Variants in C8orf90 observed in about 807,000 individuals in gnomAD.
C8orf90 encodes uncharacterized protein C8orf90.
At chr8:141,516,275 C>A in the C8orf90 span, among the ~76,000 whole-genome samples, 1 of 152,218 alleles carries the variant, frequency 6.6e-6, no homozygotes, top group Admixed American at 6.5e-5. Context: ...CGTCTCCTGC[C>A]CTACTTCTCT....
chr8:141,514,865 A>G, the C8orf90 span: 3 of 656,704 alleles, frequency 4.6e-6, no homozygotes, highest in Non-Finnish European at 8.3e-6. Flanking sequence ...CCCATCTTCC[A>G]GAAGAAGATG....
chr8:141,517,280 C>T, the C8orf90 span, among the ~76,000 whole-genome samples: 4 of 152,272 alleles, frequency 2.6e-5, no homozygotes, highest in African/African-American at 4.8e-5. Context: ...CATCCCCAGA[C>T]AGCTGCCTGG....
At chr8:141,516,519 C>T in the C8orf90 span, among the ~76,000 whole-genome samples, 7 of 152,268 alleles carry the variant, frequency 4.6e-5, no homozygotes, top group African/African-American at 1.7e-4. Context: ...TGCCACACTT[C>T]CCACGCTCCC....
chr8:141,518,394 G>T, the C8orf90 span: 1 of 673,518 alleles, frequency 1.5e-6, no homozygotes, highest in South Asian at 1.6e-5. Flanking sequence ...CCTGGCCGCC[G>T]GGGTCCGACC....
the C8orf90 span, chr8:141,518,245 C>G: frequency 1.6e-6 from 1 of 629,358 alleles, no homozygotes; most frequent in Non-Finnish European, 2.8e-6. Flanking sequence ...GCCCGCCTTC[C>G]CGGACATCTA....
At chr8:141,517,877 C>T in the C8orf90 span, among the ~76,000 whole-genome samples, 36 of 152,320 alleles carry the variant, frequency 2.4e-4, no homozygotes, top group African/African-American at 7.2e-4. Flanking sequence ...ATCCTAAGCT[C>T]GCTCAGTCCC....
the C8orf90 span, among the ~76,000 whole-genome samples, chr8:141,517,817 GCT>G: frequency 6.6e-6 from 1 of 152,170 alleles, no homozygotes; most frequent in Non-Finnish European, 1.5e-5. Flanking sequence ...GAGAGTGACT[GCT>G]TCACCTCCTG....
chr8:141,518,101 G>A, the C8orf90 span: 4 of 511,406 alleles, frequency 7.8e-6, no homozygotes, highest in Non-Finnish European at 1.4e-5. Flanking sequence ...TCATTCGGCG[G>A]CTCCTTCCAG....
chr8:141,514,784 GGGGAATGGACGGGAA>G, the C8orf90 span: 1 of 700,678 alleles, frequency 1.4e-6, no homozygotes, highest in Non-Finnish European at 2.6e-6. Context: ...TGGTGAGGGA[GGGGAATGGACGGGAA>G]GGGGGACGGG....
the C8orf90 span, chr8:141,518,380 T>C: frequency 2.4e-5 from 16 of 675,256 alleles, 1 homozygote; most frequent in South Asian, 2.5e-4. Context: ...GCCCTTCCCG[T>C]TCGCCTGGCC....
At chr8:141,517,619 T>G in the C8orf90 span, among the ~76,000 whole-genome samples, 5 of 152,308 alleles carry the variant, frequency 3.3e-5, no homozygotes, top group African/African-American at 1.2e-4. Flanking sequence ...GTGTCCAGGC[T>G]GCGAGCCAGG....
At chr8:141,515,590 G>A in the C8orf90 span, among the ~76,000 whole-genome samples, 1 of 151,772 alleles carries the variant, frequency 6.6e-6, no homozygotes, top group Non-Finnish European at 1.5e-5. Flanking sequence ...GGGGATTCTT[G>A]CCCCAGCTCC....
the C8orf90 span, chr8:141,518,318 T>C: frequency 1.5e-6 from 1 of 668,676 alleles, no homozygotes. Flanking sequence ...TACCGCGCGC[T>C]GGGCAAGCAG....
At chr8:141,517,084 G>A in the C8orf90 span, among the ~76,000 whole-genome samples, 1 of 152,230 alleles carries the variant, frequency 6.6e-6, no homozygotes, top group Non-Finnish European at 1.5e-5. Context: ...CGGGGGCGTG[G>A]CATAGTGGAA....
At chr8:141,518,578 G>A in the C8orf90 span, 3 of 422,570 alleles carry the variant, frequency 7.1e-6, no homozygotes, top group East Asian at 7.8e-5. Flanking sequence ...CCGCGCGCGG[G>A]GCCCGGGCCC....
chr8:141,514,873 A>T, the C8orf90 span: 994 of 649,436 alleles, frequency 1.5e-3, 11 homozygotes, highest in Non-Finnish European at 2.9e-4. Context: ...CCAGAAGAAG[A>T]TGCTCTGCCA....
the C8orf90 span, among the ~76,000 whole-genome samples, chr8:141,515,245 TCC>T: frequency 2.1e-4 from 1 of 4,812 alleles, no homozygotes; most frequent in Non-Finnish European, 4.5e-4. Flanking sequence ...CACCCAACCA[TCC>T]ATGCATCCAT....
the C8orf90 span, chr8:141,518,302 C>A: frequency 3.0e-6 from 2 of 664,988 alleles, no homozygotes; most frequent in African/African-American, 1.9e-5. Flanking sequence ...CGGCATCGGG[C>A]GCGCCTACCG....
At chr8:141,517,079 G>A in the C8orf90 span, among the ~76,000 whole-genome samples, 1 of 152,226 alleles carries the variant, frequency 6.6e-6, no homozygotes, top group South Asian at 2.1e-4. Flanking sequence ...TGAGCCGGGG[G>A]CGTGGCATAG....
Sources: gnomAD v4.1 joint callset for allele counts (sites outside exome capture counted in the v4.1 genomes callset) on GRCh38, gnomAD v4.1.1 for gene constraint, MANE v1.5 for transcripts, NCBI Gene and HGNC (gene_info 2026-07-23, HGNC 2026-07-21) for gene names.